ERG: variants seen among roughly 807,000 people sequenced by gnomAD.
The protein encoded by ERG is ETS transcription factor ERG, also known as transcriptional regulator ERG.
Under a neutral mutation model 55.3 loss-of-function variants are expected in ERG, and 9 were observed. The observed-to-expected ratio is 0.16, with a 90% CI of 0.10 to 0.28. ERG has a LOEUF of 0.28. ERG is among the 10% of genes least tolerant of loss of function. ERG has a pLI of 1.00. For synonymous variants in ERG, 223 were observed against 237.3 expected (o/e 0.94, Z 0.55); for missense variants, 434 against 631.6 (o/e 0.69, Z 3.35).
intron 1 of ERG, among the ~76,000 whole-genome samples, chr21:38,637,494 C>G (rs186259719): frequency 1.6e-3 from 242 of 152,234 alleles, no homozygotes; most frequent in African/African-American, 5.7e-3. Flanking sequence ...GGAAAGTTAC[C>G]TAACATTTCT....
chr21:38,608,563 C>A (rs2060208887), intron 1 of ERG, among the ~76,000 whole-genome samples: 1 of 152,170 alleles, frequency 6.6e-6, no homozygotes, highest in Non-Finnish European at 1.5e-5. Context: ...AGTAGACAAG[C>A]AATTAGTACA....
intron 2 of ERG, among the ~76,000 whole-genome samples, chr21:38,552,397 C>G (rs940598987): frequency 6.6e-6 from 1 of 151,956 alleles, no homozygotes; most frequent in African/African-American, 2.4e-5. Context: ...AAACTTCAGG[C>G]CAATATTCAT....
chr21:38,440,855 C>A (rs2058835031), intron 2 of ERG, among the ~76,000 whole-genome samples: 1 of 150,928 alleles, frequency 6.6e-6, no homozygotes, highest in Admixed American at 6.6e-5. Context: ...GGATCCCAGG[C>A]AGTCCTTTGT....
At chr21:38,480,165 C>A (rs1294227570) in intron 1 of ERG, among the ~76,000 whole-genome samples, 2 of 152,296 alleles carry the variant, frequency 1.3e-5, no homozygotes, top group East Asian at 1.9e-4. Context: ...TGGAGCAGGG[C>A]AGGATGGTAC....
At chr21:38,633,517 G>T (rs191822323) in intron 1 of ERG, among the ~76,000 whole-genome samples, 1 of 152,168 alleles carries the variant, frequency 6.6e-6, no homozygotes. Context: ...AAATGTCATC[G>T]TTATCAACGA....
chr21:38,630,930 C>A lies in ERG; in HGVS notation c.-150+30728G>T, dbSNP rs925262768. Reference sequence around the variant, plus strand: ...AGTAGAGCTAAACTGAGAAGCACTACAAAGAAAAAATAAATGAAGAAGAAC... The same window carrying A: ...AGTAGAGCTAAACTGAGAAGCACTAAAAAGAAAAAATAAATGAAGAAGAAC... On this transcript the variant is annotated intron_variant, in intron 1 of 10. Transcript: ENST00000398910. 3.3e-5 allele frequency among the ~76,000 whole-genome samples: 5 copies of A among 152,126 alleles called. No homozygotes were observed. In the East Asian group the frequency reaches 9.7e-4, roughly 29 times the overall value.
At chr21:38,483,276 G>C (rs565644205) in intron 1 of ERG, among the ~76,000 whole-genome samples, 60 of 152,134 alleles carry the variant, frequency 3.9e-4, no homozygotes, top group Non-Finnish European at 8.1e-4. Context: ...TTTAAGAGTA[G>C]ATTTTAGGTG....
chr21:38,465,847 T>G (rs969104923), intron 1 of ERG, among the ~76,000 whole-genome samples: 2 of 152,180 alleles, frequency 1.3e-5, no homozygotes, highest in Non-Finnish European at 2.9e-5. Flanking sequence ...GAATATCTCA[T>G]CCTCCTTGAT....
Position 38,382,361 on chromosome 21 carries a change from A to G in ERG, c.*1042T>C, listed in dbSNP as rs1820810155. On this transcript the variant is annotated 3_prime_UTR_variant, in exon 10 of 10. Coordinates refer to ENST00000288319, the MANE Select transcript of ERG (RefSeq NM_182918.4). ...TCTGATTGTGGCAGCCAAGAAGGCC[A>G]TCTCTTACCTGACCCTGTGGAGAAC... 15 of 1,059,716 alleles carry G rather than the reference A, an allele frequency of 1.4e-5. No homozygotes were observed. The highest frequency in any genetic ancestry group is 1.7e-5 in the Non-Finnish European group (15 of 875,460). The allele number at this position is 1,059,716 out of a possible 1,614,324, so 65.6% of individuals were successfully genotyped here.
chr21:38,645,929 G>A (rs928556930), intron 1 of ERG, among the ~76,000 whole-genome samples: 2 of 152,086 alleles, frequency 1.3e-5, no homozygotes, highest in Non-Finnish European at 1.5e-5. Context: ...ACGTCGACCA[G>A]CACAAAGCAT....
chr21:38,627,892 AAAT>A (rs2060334281), intron 1 of ERG, among the ~76,000 whole-genome samples: 1 of 152,210 alleles, frequency 6.6e-6, no homozygotes, highest in South Asian at 2.1e-4. Flanking sequence ...ATACAAAACA[AAAT>A]AATAAGAGTG....
At chr21:38,611,553 AG>A (rs1227172587) in intron 1 of ERG, among the ~76,000 whole-genome samples, 1 of 152,124 alleles carries the variant, frequency 6.6e-6, no homozygotes, top group African/African-American at 2.4e-5. Flanking sequence ...TTCCCCAGAT[AG>A]CTCCCGGCTC....
intron 1 of ERG, among the ~76,000 whole-genome samples, chr21:38,478,868 TCAC>T: frequency 6.6e-6 from 1 of 152,216 alleles, no homozygotes; most frequent in Non-Finnish European, 1.5e-5. Flanking sequence ...TAGGATGTAA[TCAC>T]CACTGTCATC....
intron 1 of ERG, among the ~76,000 whole-genome samples, chr21:38,468,424 G>GGA (rs1038209547): frequency 1.3e-5 from 2 of 152,166 alleles, no homozygotes; most frequent in African/African-American, 4.8e-5. Flanking sequence ...AAACTTGAAA[G>GGA]GAGCAAAGCT....
At chr21:38,538,334 T>C (rs895103051) in intron 2 of ERG, among the ~76,000 whole-genome samples, 4 of 152,134 alleles carry the variant, frequency 2.6e-5, no homozygotes, top group Non-Finnish European at 5.9e-5. Context: ...ATTTTATGTA[T>C]ATTTTACTAT....
intron 1 of ERG, among the ~76,000 whole-genome samples, chr21:38,595,640 G>A (rs1017259586): frequency 2.0e-5 from 3 of 152,126 alleles, no homozygotes; most frequent in African/African-American, 7.2e-5. Context: ...GAAGTGTTCT[G>A]CCCTTAAAGA....
At chr21:38,643,596 T>C (rs566227807) in intron 1 of ERG, among the ~76,000 whole-genome samples, 10 of 152,246 alleles carry the variant, frequency 6.6e-5, no homozygotes, top group Admixed American at 2.6e-4. Flanking sequence ...ACAAAAGAAC[T>C]CATTCAATTC....
intron 2 of ERG, among the ~76,000 whole-genome samples, chr21:38,541,757 A>G (rs191393329): frequency 1.3e-3 from 195 of 152,316 alleles, no homozygotes; most frequent in African/African-American, 4.3e-3. Context: ...TATTCTTCTT[A>G]AAAACAGATA....
intron 1 of ERG, among the ~76,000 whole-genome samples, chr21:38,636,447 C>T (rs1426631371): frequency 6.6e-6 from 1 of 152,124 alleles, no homozygotes; most frequent in African/African-American, 2.4e-5. Context: ...GGAAGGGCTA[C>T]TTATTGGGCT....
Sources: allele counts gnomAD v4.1 joint callset (sites outside exome capture counted in the v4.1 genomes callset), GRCh38; gene constraint gnomAD v4.1.1; transcripts MANE v1.5; gene names NCBI Gene and HGNC (gene_info 2026-07-23, HGNC 2026-07-21).